The following ARHGAP6 variants were observed in gnomAD, a reference collection of about 807,000 sequenced individuals.
The protein encoded by ARHGAP6 is Rho GTPase activating protein 6, also known as rho GTPase-activating protein 6.
A neutral mutation model predicts 55.7 loss-of-function variants in ARHGAP6; 16 were observed. That is an observed-to-expected ratio of 0.29 (90% CI 0.19 to 0.44). The LOEUF (loss-of-function observed/expected upper bound fraction) is 0.44, where lower values mean the gene tolerates loss of function less well. Among genes scored for constraint, ARHGAP6 ranks in the 20% least tolerant of loss-of-function variants. ARHGAP6 has a pLI of 1.00. For synonymous variants in ARHGAP6, 382 were observed against 360.9 expected, an observed-to-expected ratio of 1.06 and a Z score of -0.66; for missense variants, 698 against 808.9, an observed-to-expected ratio of 0.86 and a Z score of 1.66.
At position 11,186,523 on chromosome X, in the gene ARHGAP6, G is replaced by T. The variant is rs1211190191; in HGVS notation, c.1078-92C>A. On this transcript the variant is annotated intron_variant, in intron 4 of 12. Transcript: ENST00000337414. ...CTAACCAATACATACTTTTGCTCAT[G>T]ACTCTTTATCACACTTGAAATACTA... The T allele has an allele frequency of 8.1e-6, 5 of 614,217 alleles. No individual in the cohort carries two copies. The East Asian group carries it at 1.7e-4, about 20-fold the overall frequency. The allele number at this position is 614,217 out of a possible 1,213,427, so 50.6% of individuals were successfully genotyped here. A position where few individuals can be genotyped will look rare whatever the true frequency, so the allele number is the denominator to read the frequency against.
At chrX:11,411,339 A>C (rs2049685699) in intron 1 of ARHGAP6, among the ~76,000 whole-genome samples, 1 of 104,824 alleles carries the variant, frequency 9.5e-6, no homozygotes, top group Non-Finnish European at 1.9e-5. Context: ...ATTTATAGGA[A>C]GATAACTTTA....
intron 1 of ARHGAP6, among the ~76,000 whole-genome samples, chrX:11,469,202 T>C (rs187038024): frequency 4.4e-5 from 5 of 112,877 alleles, no homozygotes; most frequent in Admixed American, 3.7e-4. Context: ...ATGATAATGC[T>C]TTTTAAGAAA....
At chrX:11,185,832 T>A (rs1485496613) in intron 5 of ARHGAP6, among the ~76,000 whole-genome samples, 3 of 111,906 alleles carry the variant, frequency 2.7e-5, no homozygotes, top group Non-Finnish European at 3.8e-5. Flanking sequence ...ATTTTTTTTT[T>A]AAGTTGGACT....
chrX:11,225,031 T>C (rs1349859979), intron 2 of ARHGAP6, among the ~76,000 whole-genome samples: 1 of 111,401 alleles, frequency 9.0e-6, no homozygotes, highest in Non-Finnish European at 1.9e-5. Flanking sequence ...TCAGAGTTGT[T>C]TGAAGGATTA....
At chrX:11,295,073 T>A (rs2048060049) in intron 1 of ARHGAP6, among the ~76,000 whole-genome samples, 1 of 112,096 alleles carries the variant, frequency 8.9e-6, no homozygotes, top group South Asian at 3.7e-4. Context: ...GGACTCTGCA[T>A]TTTTATAAGC....
At chrX:11,332,626 C>T (rs2048576564) in intron 1 of ARHGAP6, among the ~76,000 whole-genome samples, 1 of 111,892 alleles carries the variant, frequency 8.9e-6, no homozygotes, top group South Asian at 3.8e-4. Context: ...ATTTTAGATT[C>T]ACATTCATTT....
At chrX:11,354,887 G>A (rs1328731123) in intron 1 of ARHGAP6, among the ~76,000 whole-genome samples, 1 of 111,500 alleles carries the variant, frequency 9.0e-6, no homozygotes, top group Non-Finnish European at 1.9e-5. Context: ...AGACAACTAA[G>A]CTAGGAAGAA....
chrX:11,144,035 G>T lies in ARHGAP6; in HGVS notation c.2121C>A (p.Gly707=). 8.3e-7 allele frequency: 1 copy of T among 1,211,725 alleles called. No individual in the cohort carries two copies. The highest frequency in any genetic ancestry group is 1.1e-6 in the Non-Finnish European group (1 of 895,534). The change falls in exon 11 of 13, where the codon GGC becomes GGA. Residue 707 remains glycine (G), a synonymous_variant. Coordinates refer to ENST00000337414, the MANE Select transcript of ARHGAP6 (RefSeq NM_013427.3). ...YRVPGQFMLV[G]HLSSSKSRES... Reference sequence around the variant, plus strand: ...CCCTTGACTTTGACGACGACAAGTGGCCCACCAGCATAAACTGCCCTGGCA... The same window carrying T: ...CCCTTGACTTTGACGACGACAAGTGTCCCACCAGCATAAACTGCCCTGGCA...
At chrX:11,344,560 C>T (rs2048748682) in intron 1 of ARHGAP6, among the ~76,000 whole-genome samples, 1 of 106,740 alleles carries the variant, frequency 9.4e-6, no homozygotes, top group Admixed American at 1.0e-4. Flanking sequence ...TGCCTGTAAT[C>T]CCAGCTACTC....
intron 1 of ARHGAP6, among the ~76,000 whole-genome samples, chrX:11,273,204 C>T (rs2047712801): frequency 9.1e-6 from 1 of 110,183 alleles, no homozygotes; most frequent in African/African-American, 3.3e-5. Context: ...AAAGCATGTT[C>T]CAAGTATTTG....
At chrX:11,397,429 T>C (rs1324546022) in intron 1 of ARHGAP6, among the ~76,000 whole-genome samples, 3 of 111,477 alleles carry the variant, frequency 2.7e-5, no homozygotes, top group Admixed American at 9.6e-5. Context: ...AAAGACAGCA[T>C]GACTATACAT....
chrX:11,659,727 G>A (rs779374060), intron 1 of ARHGAP6, among the ~76,000 whole-genome samples: 2 of 111,587 alleles, frequency 1.8e-5, no homozygotes, highest in South Asian at 7.6e-4. Flanking sequence ...TGGATGAGAT[G>A]CAACTTGGCT....
intron 1 of ARHGAP6, among the ~76,000 whole-genome samples, chrX:11,636,821 C>G (rs1044435884): frequency 8.9e-6 from 1 of 111,815 alleles, no homozygotes; most frequent in African/African-American, 3.2e-5. Context: ...AACCATCTTT[C>G]AGAATTCTTG....
chrX:11,498,078 G>C lies in ARHGAP6; in HGVS notation c.588+166163C>G, dbSNP rs1465584184. ...CCAAAATTTGAGATTTATCCATGTT[G>C]ACACATATTGGCCCATTTCACTTAT... is the stretch of plus-strand genomic sequence containing the variant. On this transcript the variant is annotated intron_variant, in intron 1 of 12. Coordinates refer to ENST00000337414, the MANE Select transcript of ARHGAP6 (RefSeq NM_013427.3). Among the ~76,000 whole-genome samples the C allele has an allele frequency of 2.7e-5, 3 of 111,667 alleles. No homozygotes were observed. The East Asian group carries it at 8.4e-4, about 31-fold the overall frequency.
intron 1 of ARHGAP6, among the ~76,000 whole-genome samples, chrX:11,322,749 T>C (rs746709367): frequency 3.6e-5 from 4 of 112,515 alleles, no homozygotes; most frequent in Non-Finnish European, 5.6e-5. Flanking sequence ...GTACACATTT[T>C]TCATATTTAA....
chrX:11,630,610 TGAATGAAA>T (rs1421601667), intron 1 of ARHGAP6, among the ~76,000 whole-genome samples: 5 of 106,914 alleles, frequency 4.7e-5, no homozygotes, highest in Non-Finnish European at 7.9e-5. Context: ...GAGTTAATGA[TGAATGAAA>T]GGATGGATGG....
chrX:11,368,640 A>G (rs774110045), intron 1 of ARHGAP6, among the ~76,000 whole-genome samples: 4 of 111,970 alleles, frequency 3.6e-5, no homozygotes, highest in Non-Finnish European at 7.5e-5. Flanking sequence ...GATGCTTGCA[A>G]TTTATGACTT....
At chrX:11,269,910 A>G (rs2047672579) in intron 1 of ARHGAP6, among the ~76,000 whole-genome samples, 1 of 111,839 alleles carries the variant, frequency 8.9e-6, no homozygotes, top group Non-Finnish European at 1.9e-5. Context: ...AATGTTTTGG[A>G]TCCTTCAGAT....
At chrX:11,148,154 T>C (rs1476743944) in intron 10 of ARHGAP6, among the ~76,000 whole-genome samples, 1 of 111,994 alleles carries the variant, frequency 8.9e-6, no homozygotes, top group Non-Finnish European at 1.9e-5. Context: ...AAAAATGAGA[T>C]AAGCAACCAC....
Sources: gnomAD v4.1 joint callset for allele counts (sites outside exome capture counted in the v4.1 genomes callset) on GRCh38, gnomAD v4.1.1 for gene constraint, MANE v1.5 for transcripts, NCBI Gene and HGNC (gene_info 2026-07-23, HGNC 2026-07-21) for gene names.